The following LATS1 variants were observed in gnomAD, a reference collection of about 807,000 sequenced individuals.
The protein encoded by LATS1 is large tumor suppressor kinase 1, also known as serine/threonine-protein kinase LATS1.
Under a neutral mutation model 106.6 loss-of-function variants are expected in LATS1, and 25 were observed. That is an observed-to-expected ratio of 0.23 (90% CI 0.17 to 0.33). LATS1 has a LOEUF of 0.33. Ranked by LOEUF, LATS1 falls within the 10% of genes least tolerant of loss-of-function variation. LATS1 has a pLI of 1.00. For missense variants in LATS1, 1,040 were observed against 1,382.6 expected (o/e 0.75, Z 3.93); for synonymous variants, 465 against 455.6 (o/e 1.02, Z -0.26).
chr6:149,660,076 G>A lies in LATS1; in HGVS notation c.*1653C>T, dbSNP rs1780831224. 1 of 232,426 alleles carries A rather than the reference G, an allele frequency of 4.3e-6. No homozygotes were observed. Among genetic ancestry groups the A allele is most frequent in the Admixed American group, 5.6e-5 (1 of 17,740 alleles). The allele number at this position is 232,426 out of a possible 1,614,324, so 14.4% of individuals were successfully genotyped here. A position where few individuals can be genotyped will look rare whatever the true frequency, so the allele number is the denominator to read the frequency against. On this transcript the variant is annotated 3_prime_UTR_variant, in exon 8 of 8. Coordinates refer to ENST00000543571, the MANE Select transcript of LATS1 (RefSeq NM_004690.4). Reference sequence around the variant, plus strand: ...AATGTATCAATTTTCTCATGGCACAGAGGTCCATAACCTACAGCCTGTGAT... The same window carrying A: ...AATGTATCAATTTTCTCATGGCACAAAGGTCCATAACCTACAGCCTGTGAT...
At chr6:149,704,877 AAATT>A (rs147306188) in intron 1 of LATS1, among the ~76,000 whole-genome samples, 100 of 124,264 alleles carry the variant, frequency 8.0e-4, no homozygotes, top group South Asian at 3.2e-3. Flanking sequence ...ATATTTATAG[AAATT>A]AATTATACAC....
At chr6:149,685,205 T>G (rs1159593584) in intron 3 of LATS1, among the ~76,000 whole-genome samples, 1 of 151,380 alleles carries the variant, frequency 6.6e-6, no homozygotes, top group Non-Finnish European at 1.5e-5. Flanking sequence ...GCCACTGCAC[T>G]CCAGCCTGGG....
At chr6:149,711,913 G>A (rs1038140825) in intron 1 of LATS1, among the ~76,000 whole-genome samples, 7 of 152,040 alleles carry the variant, frequency 4.6e-5, no homozygotes, top group East Asian at 1.9e-4. Context: ...TGTGTACTGC[G>A]GTGAGTGAGT....
chr6:149,680,278 C>T lies in LATS1; in HGVS notation c.2190G>A (p.Leu730=), dbSNP rs1781962373. 1 of 1,613,782 alleles carries T rather than the reference C, an allele frequency of 6.2e-7. No homozygotes were observed. The part of the protein sequence containing the change: ...CLARKVDTKA[L]YATKTLRKKD... ...TCTTTCGAAGAGTTTTTGTTGCATA[C>T]AAAGCCTTAGTATCTACTTTTCTTG... Residue 730 remains leucine (L), a synonymous_variant, in exon 5 of 8, where the codon TTG becomes TTA. Coordinates refer to ENST00000543571, the MANE Select transcript of LATS1 (RefSeq NM_004690.4).
intron 7 of LATS1, among the ~76,000 whole-genome samples, chr6:149,670,255 C>G (rs1781378227): frequency 7.1e-6 from 1 of 140,440 alleles, no homozygotes; most frequent in African/African-American, 2.7e-5. Context: ...ACTAGAGCAA[C>G]CACAAACAAA....
chr6:149,695,584 T>C (rs1345964320), intron 2 of LATS1, among the ~76,000 whole-genome samples: 1 of 151,246 alleles, frequency 6.6e-6, no homozygotes, highest in African/African-American at 2.4e-5. Flanking sequence ...GGCTGAGACA[T>C]GAGAATTGTT....
intron 1 of LATS1, among the ~76,000 whole-genome samples, chr6:149,716,892 C>A (rs1247329999): frequency 6.6e-6 from 1 of 152,202 alleles, no homozygotes; most frequent in Non-Finnish European, 1.5e-5. Flanking sequence ...TAATGTCCTA[C>A]CTTTTCTTCC....
At chr6:149,676,787 C>A (rs1781750043) in intron 5 of LATS1, 50 bp from the exon 6 acceptor site, 2 of 1,502,456 alleles carry the variant, frequency 1.3e-6, no homozygotes, top group East Asian at 2.3e-5. Flanking sequence ...CAACAGTAAA[C>A]CTGAAGTCTA....
At chr6:149,679,820 T>G in intron 5 of LATS1, 55 bp downstream of exon 5, 1 of 1,258,474 alleles carries the variant, frequency 7.9e-7, no homozygotes, top group South Asian at 1.5e-5. Flanking sequence ...TTTTACTACA[T>G]CAATAAATTA....
intron 3 of LATS1, among the ~76,000 whole-genome samples, chr6:149,685,337 C>T (rs1327679983): frequency 2.0e-5 from 3 of 151,778 alleles, no homozygotes; most frequent in South Asian, 2.1e-4. Flanking sequence ...GGCCAAAGGG[C>T]GTATCTATTT....
chr6:149,671,572 C>G (rs4870267), intron 7 of LATS1, among the ~76,000 whole-genome samples: 69,744 of 151,728 alleles, frequency 0.46, 17,484 homozygotes, highest in East Asian at 0.81. Flanking sequence ...TCTATATTCT[C>G]TTCCATTGAT....
chr6:149,687,280 G>T (rs1782443779), intron 3 of LATS1, among the ~76,000 whole-genome samples: 2 of 152,040 alleles, frequency 1.3e-5, no homozygotes, highest in South Asian at 2.1e-4. Context: ...CAGTAGAAAT[G>T]GGGTTTCACC....
intron 3 of LATS1, among the ~76,000 whole-genome samples, chr6:149,694,122 G>C (rs9285524): frequency 6.6e-6 from 1 of 151,902 alleles, no homozygotes; most frequent in African/African-American, 2.4e-5. Context: ...ATAAATTGGT[G>C]CTATCTTTCT....
chr6:149,672,255 G>C (rs890043829), intron 7 of LATS1, among the ~76,000 whole-genome samples: 5 of 150,890 alleles, frequency 3.3e-5, no homozygotes, highest in Non-Finnish European at 7.4e-5. Flanking sequence ...TGTCACCCAG[G>C]CTGGAGTGCA....
At chr6:149,684,661 G>C in intron 3 of LATS1, 69 bp from the exon 4 acceptor site, 1 of 1,130,274 alleles carries the variant, frequency 8.8e-7, no homozygotes, top group East Asian at 2.4e-5. Context: ...GAAAACCTTA[G>C]CTTGCAATTC....
intron 1 of LATS1, among the ~76,000 whole-genome samples, chr6:149,707,073 T>TGG (rs1251409156): frequency 7.1e-6 from 1 of 140,542 alleles, no homozygotes; most frequent in Non-Finnish European, 1.5e-5. Flanking sequence ...TGGAGTGCAG[T>TGG]GGGGTGATCT....
rs1784509204 is a variant in LATS1 at position 149,717,893 on chromosome 6, G to C, written c.-185C>G. On this transcript the variant is annotated 5_prime_UTR_variant, in exon 1 of 8. Transcript: ENST00000543571. The stretch of plus-strand genomic sequence containing the variant: ...TCCTGGACAGCGGCCACGGGCCTGA[G>C]GGCGGACGCTGAGGCGGCCAGAGTC... The C allele has an allele frequency of 2.7e-6, 1 of 372,340 alleles. No homozygotes were observed. Among genetic ancestry groups the C allele is most frequent in the African/African-American group, 2.3e-5 (1 of 44,166 alleles). 23.1% of individuals were successfully genotyped at this position (372,340 alleles called of 1,614,324 possible). A position where few individuals can be genotyped will look rare whatever the true frequency, so the allele number is the denominator to read the frequency against.
At chr6:149,698,600 G>C (rs1783249926) in intron 2 of LATS1, among the ~76,000 whole-genome samples, 2 of 151,490 alleles carry the variant, frequency 1.3e-5, no homozygotes, top group Non-Finnish European at 2.9e-5. Context: ...GCCCAGGCTG[G>C]AGTACAATGG....
intron 3 of LATS1, among the ~76,000 whole-genome samples, chr6:149,685,107 G>A (rs939861076): frequency 3.3e-5 from 5 of 152,008 alleles, no homozygotes; most frequent in Middle Eastern, 3.4e-3. Flanking sequence ...GCGTGGTGGT[G>A]TGCACCTGTA....
Sources: allele counts gnomAD v4.1 joint callset (sites outside exome capture counted in the v4.1 genomes callset), GRCh38; gene constraint gnomAD v4.1.1; transcripts MANE v1.5; gene names NCBI Gene and HGNC (gene_info 2026-07-23, HGNC 2026-07-21).